The following DNAH12 variants were observed in gnomAD, a reference collection of about 807,000 sequenced individuals.
The protein encoded by DNAH12 is dynein axonemal heavy chain 12, also known as axonemal beta dynein heavy chain 12.
Under a neutral mutation model 371.5 loss-of-function variants are expected in DNAH12, and 285 were observed. The observed-to-expected ratio is 0.77, with a 90% CI of 0.70 to 0.85. The LOEUF (loss-of-function observed/expected upper bound fraction) is 0.85, where lower values mean the gene tolerates loss of function less well. Among genes scored for constraint, DNAH12 ranks in the 40% least tolerant of loss-of-function variants. The probability of loss-of-function intolerance (pLI) is 0.00; values close to 1 mark genes in which losing one functional copy is unlikely to be tolerated. For missense variants in DNAH12, 3,611 were observed against 3,689.4 expected, an observed-to-expected ratio of 0.98 and a Z score of 0.55; for synonymous variants, 1,200 against 1,213.0, an observed-to-expected ratio of 0.99 and a Z score of 0.22.
In DNAH12 at chr3:57,322,605, T is replaced by C. The variant is rs954461239; in HGVS notation, c.10384-122A>G. 2.5e-6 allele frequency: 3 copies of C among 1,178,596 alleles called. No individual in the cohort carries two copies. The African/African-American group carries it at 4.7e-5, about 18-fold the overall frequency. The allele number at this position is 1,178,596 out of a possible 1,614,324, so 73.0% of individuals were successfully genotyped here. On this transcript the variant is annotated intron_variant, in intron 64 of 73. Transcript: ENST00000495027. ...CTCCAGAAATATTCAAAAAACCTCT[T>C]AAGGTTAAGCATCTGAGGCTTGATT... is the stretch of plus-strand genomic sequence containing the variant.
Position 57,310,898 on chromosome 3 carries a change from G to C in DNAH12, c.10715C>G (p.Thr3572Ser), listed in dbSNP as rs1299043684. 3 of 1,551,516 alleles carry C rather than the reference G, an allele frequency of 1.9e-6. No individual in the cohort carries two copies. Among genetic ancestry groups the C allele is most frequent in the South Asian group, 2.4e-5 (2 of 84,060 alleles). ...TIPFEAISYL[T>S]GECNYGGRVT... The stretch of plus-strand genomic sequence containing the variant: ...TCTTCCTCCATAATTACACTCCCCA[G>C]TCAGGTAAGATATAGCTTCAAATGG... Residue 3572 changes from threonine (T) to serine (S), a missense_variant, in exon 67 of 74, where the codon ACT becomes AGT. By Grantham distance (58) the Thr-to-Ser change is moderately conservative (BLOSUM62 1). Around this residue, in one of 3 missense-constraint regions of DNAH12, gnomAD observed 2,266 missense variants for 2,236.9 expected, o/e 1.01. Transcript: ENST00000495027.
chr3:57,555,471 G>A, the DNAH12 span, among the ~76,000 whole-genome samples: 2 of 152,198 alleles, frequency 1.3e-5, no homozygotes, highest in East Asian at 3.9e-4. Context: ...CCTGGAGTTC[G>A]AGGGGGCAGT....
intron 43 of DNAH12, among the ~76,000 whole-genome samples, chr3:57,398,410 A>T (rs997676843): frequency 1.3e-5 from 2 of 152,240 alleles, no homozygotes; most frequent in African/African-American, 2.4e-5. Context: ...AAATCTCAGG[A>T]AAGAAGTGGA....
At chr3:57,475,472 G>A (rs1204798993) in intron 13 of DNAH12, among the ~76,000 whole-genome samples, 1 of 152,088 alleles carries the variant, frequency 6.6e-6, no homozygotes, top group Non-Finnish European at 1.5e-5. Context: ...ATTACAGAGT[G>A]AATAAAAAGA....
intron 11 of DNAH12, among the ~76,000 whole-genome samples, chr3:57,492,391 C>T (rs1400288501): frequency 6.6e-5 from 10 of 151,538 alleles, no homozygotes; most frequent in African/African-American, 9.7e-5. Context: ...ACCCAGGAAG[C>T]GGAGGTTGTG....
intron 12 of DNAH12, among the ~76,000 whole-genome samples, chr3:57,485,684 C>T (rs1460534778): frequency 1.3e-5 from 2 of 151,866 alleles, no homozygotes; most frequent in Non-Finnish European, 1.5e-5. Context: ...CAGGCATGAG[C>T]CACCGCACCC....
intron 64 of DNAH12, among the ~76,000 whole-genome samples, chr3:57,322,689 G>A (rs928511918): frequency 1.3e-5 from 2 of 152,234 alleles, no homozygotes; most frequent in Non-Finnish European, 2.9e-5. Context: ...CAGCACTTTG[G>A]GAGGCTGAGG....
At chr3:57,339,232 AAC>A (rs1343327670) in intron 60 of DNAH12, among the ~76,000 whole-genome samples, 7 of 152,320 alleles carry the variant, frequency 4.6e-5, no homozygotes, top group Admixed American at 1.3e-4. Flanking sequence ...CAGGGACACA[AAC>A]ACTGCGGAAG....
intron 59 of DNAH12, among the ~76,000 whole-genome samples, chr3:57,353,850 G>C (rs2153323208): frequency 6.6e-6 from 1 of 152,236 alleles, no homozygotes; most frequent in Admixed American, 6.5e-5. Context: ...AGTCAGAATG[G>C]CTATAATTAA....
At position 57,345,648 on chromosome 3, in the gene DNAH12, G is replaced by A. The variant is rs995469821; in HGVS notation, c.9674+6437C>T. On this transcript the variant is annotated intron_variant, in intron 60 of 73. Coordinates refer to ENST00000495027, the MANE Select transcript of DNAH12 (RefSeq NM_001366028.2). ...CAAAATTATTACAGTAGTACAGTGT[G>A]TGCCACAGTTAATTTTATGCAGTTA... 9.9e-5 allele frequency among the ~76,000 whole-genome samples: 15 copies of A among 152,268 alleles called. 2 individuals carry two copies. The South Asian group carries it at 2.9e-3, about 29-fold the overall frequency.
intron 13 of DNAH12, among the ~76,000 whole-genome samples, chr3:57,478,751 G>A (rs2066627152): frequency 6.6e-6 from 1 of 152,340 alleles, no homozygotes; most frequent in Non-Finnish European, 1.5e-5. Context: ...TAAGCCAGAA[G>A]AGAGTGGGGG....
At chr3:57,354,256 C>T (rs2062745767) in intron 59 of DNAH12, among the ~76,000 whole-genome samples, 1 of 152,120 alleles carries the variant, frequency 6.6e-6, no homozygotes, top group Non-Finnish European at 1.5e-5. Context: ...AATGCAGGAA[C>T]AGAAAACCAA....
rs1314397944 is a variant in DNAH12, at chr3:57,457,766, G to A, written c.3291C>T (p.Asp1097=). The A allele has an allele frequency of 6.4e-7, 1 of 1,551,388 alleles. No individual in the cohort carries two copies. ...AVEKWLIQVE[D]LMLRSVHDVI... The stretch of plus-strand genomic sequence containing the variant: ...CATCGTGAACACTCCGGAGCATTAG[G>A]TCTTCCACTTGAATGAGCCACTTTT... Residue 1097 remains aspartate (D), a synonymous_variant, in exon 22 of 74, where the codon GAC becomes GAT. Transcript: ENST00000495027.
intron 60 of DNAH12, among the ~76,000 whole-genome samples, chr3:57,348,250 T>A (rs1413294325): frequency 6.6e-6 from 1 of 152,044 alleles, no homozygotes; most frequent in Non-Finnish European, 1.5e-5. Flanking sequence ...AAAAATCCCA[T>A]CTGAAAAGGC....
chr3:57,513,241 A>G (rs994860371), intron 4 of DNAH12, among the ~76,000 whole-genome samples: 2 of 152,178 alleles, frequency 1.3e-5, no homozygotes, highest in African/African-American at 4.8e-5. Context: ...GCTGGAAGCC[A>G]TCATCCTCAG....
Position 57,368,422 on chromosome 3 carries a change from GTTT to G in DNAH12, c.8760-165_8760-163del, listed in dbSNP as rs1187137314. 3.0e-3 allele frequency among the ~76,000 whole-genome samples: 447 copies of G among 147,484 alleles called. 2 individuals are homozygous for G. The highest frequency in any genetic ancestry group is 5.2e-3 in the Non-Finnish European group (348 of 66,526). ...TCCTATGAGAAAAAAATGAAAAGGA[GTTT>G]TTTTTTTTCTTTCTTATTTATTTTT... On this transcript the variant is annotated intron_variant, in intron 55 of 73. Transcript: ENST00000495027.
intron 2 of DNAH12, among the ~76,000 whole-genome samples, chr3:57,525,564 T>C (rs1311789021): frequency 6.6e-6 from 1 of 152,042 alleles, no homozygotes; most frequent in Non-Finnish European, 1.5e-5. Context: ...TATTTATGGA[T>C]TACATGAGAT....
chr3:57,360,058 C>T (rs2062889812), intron 58 of DNAH12, among the ~76,000 whole-genome samples: 1 of 152,138 alleles, frequency 6.6e-6, no homozygotes, highest in African/African-American at 2.4e-5. Context: ...TTAAATCTTC[C>T]TTTCTCTTCG....
At chr3:57,553,062 G>A in the DNAH12 span, among the ~76,000 whole-genome samples, 4 of 151,906 alleles carry the variant, frequency 2.6e-5, no homozygotes, top group Admixed American at 1.3e-4. Flanking sequence ...TGTAATCCCC[G>A]CTACTCAGGA....
Sources: allele counts gnomAD v4.1 joint callset (sites outside exome capture counted in the v4.1 genomes callset), GRCh38; gene constraint gnomAD v4.1.1; regional missense constraint gnomAD v4.1.1; transcripts MANE v1.5; gene names NCBI Gene and HGNC (gene_info 2026-07-23, HGNC 2026-07-21).